NR2E1: variants seen among roughly 807,000 people sequenced by gnomAD.
NR2E1 encodes the protein nuclear receptor TLX.
A neutral mutation model predicts 43.6 loss-of-function variants in NR2E1; 5 were observed. The ratio of observed to expected loss-of-function variants is 0.11; its 90% CI spans 0.06 to 0.24. The LOEUF is 0.24. Ranked by LOEUF, NR2E1 falls within the 10% of genes least tolerant of loss-of-function variation. The probability of loss-of-function intolerance (pLI) is 1.00; values close to 1 mark genes in which losing one functional copy is unlikely to be tolerated. For synonymous variants in NR2E1, 191 were observed against 195.5 expected (o/e 0.98, Z 0.19); for missense variants, 287 against 496.7 (o/e 0.58, Z 4.01).
chr6:108,171,935 AT>A (rs779305425), intron 2 of NR2E1, among the ~76,000 whole-genome samples: 43 of 152,200 alleles, frequency 2.8e-4, no homozygotes, highest in Non-Finnish European at 5.0e-4. Flanking sequence ...GACCTAAAGA[AT>A]TTAGCATCTA....
chr6:108,176,404 C>G (rs1387192394), intron 3 of NR2E1, 99 bp from the exon 4 acceptor site: 1 of 1,269,920 alleles, frequency 7.9e-7, no homozygotes, highest in African/African-American at 1.5e-5. Flanking sequence ...ATTTTGCCCG[C>G]CCAGACTTGA....
In NR2E1 at chr6:108,180,263, A is replaced by T; in HGVS notation, c.643-60A>T. 9.2e-7 allele frequency: 1 copy of T among 1,087,734 alleles called. No individual in the cohort carries two copies. The highest frequency in any genetic ancestry group is 1.4e-6 in the Non-Finnish European group (1 of 718,120). 67.4% of individuals were successfully genotyped at this position (1,087,734 alleles called of 1,614,324 possible). A position where few individuals can be genotyped will look rare whatever the true frequency, so the allele number is the denominator to read the frequency against. ...AAAATAATGGAAATTTACATAGTGAAATTGTTTATAAATTTATAAATTACA... is the reference window on the plus strand; with the variant it reads ...AAAATAATGGAAATTTACATAGTGATATTGTTTATAAATTTATAAATTACA... On this transcript the variant is annotated intron_variant, in intron 5 of 8. Coordinates refer to ENST00000368986, the MANE Select transcript of NR2E1 (RefSeq NM_003269.5). The surrounding 1 kb of genome is among the most constrained non-coding windows in gnomAD (Gnocchi z 5.4).
At position 108,166,342 on chromosome 6, in the gene NR2E1, A is replaced by T. The variant is rs1773708270; in HGVS notation, c.-424A>T. 5.3e-6 allele frequency: 1 copy of T among 186,928 alleles called. No homozygotes were observed. The highest frequency in any genetic ancestry group is 1.3e-4 in the South Asian group (1 of 7,970). The allele number at this position is 186,928 out of a possible 1,614,324, so 11.6% of individuals were successfully genotyped here. A position where few individuals can be genotyped will look rare whatever the true frequency, so the allele number is the denominator to read the frequency against. On this transcript the variant is annotated 5_prime_UTR_variant, in exon 1 of 9. Coordinates refer to ENST00000368986, the MANE Select transcript of NR2E1 (RefSeq NM_003269.5). This position sits in a 1 kb window ranked among gnomAD's most constrained non-coding sequence, Gnocchi z 7.2. The stretch of plus-strand genomic sequence containing the variant: ...ACACTCTGCATGCCTATGTAGAGGG[A>T]GAGATCGAAGACTGAGTGACAGGAA...
At chr6:108,167,884 A>G in intron 1 of NR2E1, 1 of 751,534 alleles carries the variant, frequency 1.3e-6, no homozygotes, top group Non-Finnish European at 2.1e-6. Flanking sequence ...AGGACTGGTA[A>G]TGAAGTCTCA....
chr6:108,176,697 G>A lies in NR2E1; in HGVS notation c.454G>A (p.Glu152Lys). ...GCTGGCCGCGGTGTCCACCACTCCA[G>A]AGCGGCAGACCCTCGTGAGCCTGGC... The part of the protein sequence containing the change: ...LELAAVSTTP[E>K]RQTLVSLAQP... Residue 152 changes from glutamate (E) to lysine (K), a missense_variant, in exon 4 of 9, where the codon GAG becomes AAG. By Grantham distance (56) the Glu-to-Lys change is moderately conservative. Coordinates refer to ENST00000368986, the MANE Select transcript of NR2E1 (RefSeq NM_003269.5). 1 of 1,594,186 alleles carries A rather than the reference G, an allele frequency of 6.3e-7. No homozygotes were observed. The highest frequency in any genetic ancestry group is 8.5e-7 in the Non-Finnish European group (1 of 1,174,384).
chr6:108,166,754 G>C lies in NR2E1; in HGVS notation c.-12G>C. ...CAGCGCCCACCAACCGCTCCGCCCC[G>C]GGACAGCCAGCATGAGCAAGCCAGC... On this transcript the variant is annotated 5_prime_UTR_variant, in exon 1 of 9. Coordinates refer to ENST00000368986, the MANE Select transcript of NR2E1 (RefSeq NM_003269.5). The surrounding 1 kb of genome is among the most constrained non-coding windows in gnomAD (Gnocchi z 7.2). 6.4e-7 allele frequency: 1 copy of C among 1,570,456 alleles called. No individual in the cohort carries two copies. The highest frequency in any genetic ancestry group is 8.6e-7 in the Non-Finnish European group (1 of 1,162,820).
chr6:108,187,612 T>A lies in NR2E1; in HGVS notation c.*149T>A. The A allele has an allele frequency of 1.1e-6, 1 of 870,176 alleles. No homozygotes were observed. Among genetic ancestry groups the A allele is most frequent in the Non-Finnish European group, 1.9e-6 (1 of 535,504 alleles). 53.9% of individuals were successfully genotyped at this position (870,176 alleles called of 1,614,324 possible). ...AAAAATGCCAATTGACACAAAGCAT[T>A]CCAGTAGCTATGACCTGCCGCCCTG... On this transcript the variant is annotated 3_prime_UTR_variant, in exon 9 of 9. Transcript: ENST00000368986.
Position 108,176,797 on chromosome 6 carries a change from C to G in NR2E1, c.495+59C>G, listed in dbSNP as rs1003378663. On this transcript the variant is annotated intron_variant, in intron 4 of 8. Coordinates refer to ENST00000368986, the MANE Select transcript of NR2E1 (RefSeq NM_003269.5). ...GCCAGCGAATGGAGAGGGACGCACCCAGTTCTTCTGAGCTGTGTGATTGGG... is the reference window on the plus strand; with the variant it reads ...GCCAGCGAATGGAGAGGGACGCACCGAGTTCTTCTGAGCTGTGTGATTGGG... 26 of 1,459,638 alleles carry G rather than the reference C, an allele frequency of 1.8e-5. No homozygotes were observed. The African/African-American group carries it at 2.8e-4, about 15-fold the overall frequency. 90.4% of individuals were successfully genotyped at this position (1,459,638 alleles called of 1,614,324 possible). A position where few individuals can be genotyped will look rare whatever the true frequency, so the allele number is the denominator to read the frequency against.
intron 8 of NR2E1, among the ~76,000 whole-genome samples, chr6:108,183,840 AG>A (rs1203718656): frequency 6.6e-6 from 1 of 152,218 alleles, no homozygotes; most frequent in Non-Finnish European, 1.5e-5. Context: ...TATATATAGT[AG>A]GCAGTTAATA....
rs911629930 is a variant in NR2E1 at position 108,187,802 on chromosome 6, A to G, written c.*339A>G. 5.8e-6 allele frequency: 2 copies of G among 346,030 alleles called. No individual in the cohort carries two copies. The highest frequency in any genetic ancestry group is 1.1e-5 in the Non-Finnish European group (2 of 178,942). 21.4% of individuals were successfully genotyped at this position (346,030 alleles called of 1,614,324 possible). A position where few individuals can be genotyped will look rare whatever the true frequency, so the allele number is the denominator to read the frequency against. On this transcript the variant is annotated 3_prime_UTR_variant, in exon 9 of 9. Coordinates refer to ENST00000368986, the MANE Select transcript of NR2E1 (RefSeq NM_003269.5). ...GCTGAACGATCAAAAGCTGAAACAT[A>G]AGTAGTGCTTTCTCTTCCTTTTTAG... is the stretch of plus-strand genomic sequence containing the variant.
rs763537760 is a variant in NR2E1 at position 108,168,044 on chromosome 6, A to G, written c.25+1254A>G. ...AAGGAGAAATGTTTCGAGCTGGGGC[A>G]GAGGGAGCAGAGAAGGAGCCCTCAC... On this transcript the variant is annotated intron_variant, in intron 1 of 8. Transcript: ENST00000368986. 8.7e-6 allele frequency: 14 copies of G among 1,600,050 alleles called. No homozygotes were observed. In the South Asian group the frequency reaches 1.5e-4, roughly 17 times the overall value.
At chr6:108,167,968 T>G in intron 1 of NR2E1, 2 of 1,526,628 alleles carry the variant, frequency 1.3e-6, no homozygotes, top group Non-Finnish European at 1.8e-6. Context: ...TGTTTTGCTT[T>G]GGGTGCTGAC....
chr6:108,180,709 A>G lies in NR2E1; in HGVS notation c.740-98A>G. 1 of 1,134,730 alleles carries G rather than the reference A, an allele frequency of 8.8e-7. No individual in the cohort carries two copies. Among genetic ancestry groups the G allele is most frequent in the South Asian group, 1.3e-5 (1 of 78,324 alleles). 70.3% of individuals were successfully genotyped at this position (1,134,730 alleles called of 1,614,324 possible). A position where few individuals can be genotyped will look rare whatever the true frequency, so the allele number is the denominator to read the frequency against. ...TGGAATCAGATATCTTAGAGTGACA[A>G]TTGAATAGATATTGATATGCAGGAT... On this transcript the variant is annotated intron_variant, in intron 6 of 8. Transcript: ENST00000368986. This position sits in a 1 kb window ranked among gnomAD's most constrained non-coding sequence, Gnocchi z 5.4.
At chr6:108,184,636 A>ACACATCCT (rs1774044837) in intron 8 of NR2E1, among the ~76,000 whole-genome samples, 1 of 151,952 alleles carries the variant, frequency 6.6e-6, no homozygotes, top group South Asian at 2.1e-4. Flanking sequence ...AGAGTGGTGG[A>ACACATCCT]GGAGCTGGTA....
At chr6:108,186,923 C>T (rs1774085248) in intron 8 of NR2E1, among the ~76,000 whole-genome samples, 1 of 152,162 alleles carries the variant, frequency 6.6e-6, no homozygotes. Context: ...AATTAGAAAA[C>T]ATGGGTTCTG....
At chr6:108,175,784 C>A (rs893578496) in intron 3 of NR2E1, among the ~76,000 whole-genome samples, 1 of 152,214 alleles carries the variant, frequency 6.6e-6, no homozygotes, top group Non-Finnish European at 1.5e-5. Flanking sequence ...CCTTCCTCTG[C>A]GGCGCAGGAA....
At chr6:108,167,978 C>T in intron 1 of NR2E1, 2 of 1,549,488 alleles carry the variant, frequency 1.3e-6, no homozygotes, top group Non-Finnish European at 1.7e-6. Flanking sequence ...TGGGTGCTGA[C>T]CTTTAAAAAA....
At chr6:108,176,446 C>G in intron 3 of NR2E1, 57 bp from the exon 4 acceptor site, 2 of 1,544,946 alleles carry the variant, frequency 1.3e-6, no homozygotes, top group Non-Finnish European at 8.9e-7. Context: ...AGAGCCGCAG[C>G]GGCTGTGTCT....
rs1774094054 is a variant in NR2E1, at chr6:108,187,503, G to A, written c.*40G>A. ...CACTTTTCAGGATGGGACAGTATCA[G>A]ATGAACTTCAACCCATGGAGAACAA... On this transcript the variant is annotated 3_prime_UTR_variant, in exon 9 of 9. Transcript: ENST00000368986. The A allele has an allele frequency of 4.4e-6, 7 of 1,605,274 alleles. No individual in the cohort carries two copies. The highest frequency in any genetic ancestry group is 5.1e-6 in the Non-Finnish European group (6 of 1,172,640).
Sources: gnomAD v4.1 joint callset for allele counts (sites outside exome capture counted in the v4.1 genomes callset) on GRCh38, gnomAD v4.1.1 for gene constraint, Gnocchi (gnomAD v3.1) non-coding constraint, MANE v1.5 for transcripts, NCBI Gene and HGNC (gene_info 2026-07-23, HGNC 2026-07-21) for gene names.